Variants in PHKB observed in about 807,000 individuals in gnomAD.
PHKB encodes phosphorylase kinase regulatory subunit beta.
In PHKB, 122 loss-of-function variants were observed where a neutral mutation model predicts 152.1. The observed-to-expected ratio is 0.80, with a 90% CI of 0.69 to 0.93. The LOEUF (loss-of-function observed/expected upper bound fraction) is 0.93, where lower values mean the gene tolerates loss of function less well. PHKB is among the 40% of genes least tolerant of loss of function. The pLI, the probability that PHKB is intolerant of heterozygous loss-of-function variation, is 0.00. For missense variants in PHKB, 1,304 were observed against 1,328.4 expected, an observed-to-expected ratio of 0.98 and a Z score of 0.29; for synonymous variants, 436 against 464.9, an observed-to-expected ratio of 0.94 and a Z score of 0.80.
At chr16:47,658,629 C>T (rs1973381479) in intron 20 of PHKB, among the ~76,000 whole-genome samples, 1 of 152,058 alleles carries the variant, frequency 6.6e-6, no homozygotes. Context: ...TTACAGTTGC[C>T]TACAGTATTC....
At chr16:47,693,264 G>T in intron 27 of PHKB, 114 bp from the exon 28 acceptor site, 3 of 1,006,618 alleles carry the variant, frequency 3.0e-6, no homozygotes, top group Non-Finnish European at 4.7e-6. Context: ...CATCATTGAT[G>T]GGCTTTGGCT....
At chr16:47,580,439 T>A in intron 8 of PHKB, 81 bp downstream of exon 8, 1 of 1,029,646 alleles carries the variant, frequency 9.7e-7, no homozygotes. Context: ...CAAAGTCATT[T>A]CCTTATAATC....
intron 7 of PHKB, among the ~76,000 whole-genome samples, chr16:47,563,994 C>CTTTTTT (rs899061752): frequency 9.8e-5 from 8 of 82,032 alleles, no homozygotes; most frequent in African/African-American, 1.4e-4. Flanking sequence ...TTATTTCATT[C>CTTTTTT]TTTTTTTTTT....
At chr16:47,558,288 C>T (rs906946033) in intron 7 of PHKB, among the ~76,000 whole-genome samples, 15 of 151,072 alleles carry the variant, frequency 9.9e-5, no homozygotes, top group Middle Eastern at 3.4e-3. Context: ...TGCTAAATGA[C>T]GAGTTAATGG....
At chr16:47,518,312 G>A (rs191375555) in intron 6 of PHKB, among the ~76,000 whole-genome samples, 2 of 152,230 alleles carry the variant, frequency 1.3e-5, no homozygotes, top group African/African-American at 2.4e-5. Context: ...TGAAATATAG[G>A]TACTGCATTG....
In PHKB at chr16:47,669,380, C is replaced by T. The variant is rs142281844; in HGVS notation, c.2593C>T (p.Pro865Ser). ...IHIGWIISNNPELFSGMLKIR... is the reference protein window; with the variant it reads ...IHIGWIISNNSELFSGMLKIR... ...TATTGGCTGGATCATCTCCAATAAC[C>T]CTGAGTTATTCAGTGGCATGCTGAA... The change falls in exon 26 of 31, where the codon CCT becomes TCT. Residue 865 changes from proline (P) to serine (S), a missense_variant. Physicochemically the swap from Pro to Ser is moderately conservative, Grantham distance 74. Transcript: ENST00000323584. The T allele has an allele frequency of 6.2e-7, 1 of 1,614,028 alleles. No individual in the cohort carries two copies. The highest frequency in any genetic ancestry group is 8.5e-7 in the Non-Finnish European group (1 of 1,179,912).
At chr16:47,551,895 T>C (rs1223384377) in intron 7 of PHKB, among the ~76,000 whole-genome samples, 1 of 152,226 alleles carries the variant, frequency 6.6e-6, no homozygotes, top group Non-Finnish European at 1.5e-5. Context: ...ATCTGGGTGC[T>C]CCTGTATTGG....
At chr16:47,605,769 G>A (rs896654585) in intron 13 of PHKB, among the ~76,000 whole-genome samples, 1 of 150,656 alleles carries the variant, frequency 6.6e-6, no homozygotes, top group Non-Finnish European at 1.5e-5. Flanking sequence ...ACCTGATTTC[G>A]ATAGGAAAAA....
At chr16:47,526,447 A>T (rs1252618839) in intron 6 of PHKB, among the ~76,000 whole-genome samples, 1 of 152,000 alleles carries the variant, frequency 6.6e-6, no homozygotes, top group African/African-American at 2.4e-5. Context: ...TGATAAGCTC[A>T]ACCTTCAGTT....
intron 8 of PHKB, among the ~76,000 whole-genome samples, chr16:47,585,772 G>A (rs1027348066): frequency 1.3e-5 from 2 of 152,148 alleles, no homozygotes; most frequent in East Asian, 1.9e-4. Context: ...AGACAAATAA[G>A]CCATTTATTT....
chr16:47,664,048 A>C (rs1272085857), intron 24 of PHKB: 1 of 349,778 alleles, frequency 2.9e-6, no homozygotes, highest in Non-Finnish European at 5.3e-6. Flanking sequence ...TTTTTAATTT[A>C]GGAAACCTGT....
chr16:47,540,290 TGCTCTCGA>T (rs1200215234), intron 6 of PHKB, among the ~76,000 whole-genome samples: 1 of 141,928 alleles, frequency 7.0e-6, no homozygotes, highest in Non-Finnish European at 1.5e-5. Context: ...ACCAGTTCTC[TGCTCTCGA>T]ACTCTGTTTT....
rs200832185 is a variant in PHKB, at chr16:47,594,223, G to T, written c.1204+9G>T. The T allele has an allele frequency of 2.0e-4, 280 of 1,415,332 alleles. 3 individuals carry two copies. The highest frequency in any genetic ancestry group is 7.0e-4 in the Middle Eastern group (4 of 5,674). The allele number at this position is 1,415,332 out of a possible 1,614,324, so 87.7% of individuals were successfully genotyped here. On this transcript the variant is annotated intron_variant, in intron 12 of 30. Coordinates refer to ENST00000323584, the MANE Select transcript of PHKB (RefSeq NM_000293.3). Reference sequence around the variant, plus strand: ...TCATCATACCACAGAAGGTATAGTTGTTTTTTTAAGAAATTCTTCCTACCA... The same window carrying T: ...TCATCATACCACAGAAGGTATAGTTTTTTTTTTAAGAAATTCTTCCTACCA...
At chr16:47,682,838 T>C (rs1973888027) in intron 26 of PHKB, among the ~76,000 whole-genome samples, 2 of 152,248 alleles carry the variant, frequency 1.3e-5, no homozygotes, top group South Asian at 4.1e-4. Context: ...GGAGAGGTGC[T>C]CTGCTTTTTA....
intron 26 of PHKB, among the ~76,000 whole-genome samples, chr16:47,685,886 C>T (rs948415505): frequency 3.3e-5 from 5 of 151,790 alleles, no homozygotes; most frequent in African/African-American, 4.8e-5. Context: ...GGACTACAGG[C>T]GCCTGCCACC....
chr16:47,666,174 A>C (rs1973535793), intron 25 of PHKB: 1 of 713,274 alleles, frequency 1.4e-6, no homozygotes, highest in Admixed American at 2.1e-5. Flanking sequence ...TTTCTATCAA[A>C]GTCTCCTTCC....
At chr16:47,568,788 ATTCAGG>A (rs1971610145) in intron 7 of PHKB, among the ~76,000 whole-genome samples, 1 of 152,212 alleles carries the variant, frequency 6.6e-6, no homozygotes, top group Admixed American at 6.5e-5. Context: ...CTCAAAAATC[ATTCAGG>A]AGCATATGGT....
In PHKB at chr16:47,499,871, C is replaced by T. The variant is rs372209609; in HGVS notation, c.282C>T (p.Ala94=). 6.5e-5 allele frequency: 105 copies of T among 1,613,996 alleles called. No homozygotes were observed. The highest frequency in any genetic ancestry group is 8.3e-5 in the Non-Finnish European group (98 of 1,180,014). Residue 94 remains alanine (A), a synonymous_variant, in exon 3 of 31, where the codon GCC becomes GCT. Coordinates refer to ENST00000323584, the MANE Select transcript of PHKB (RefSeq NM_000293.3). ...ACAGCCTATACTGCGCTGCTGGGGCCTGGGCTTTGGCTCTTGCATACAGGT... is the reference window on the plus strand; with the variant it reads ...ACAGCCTATACTGCGCTGCTGGGGCTTGGGCTTTGGCTCTTGCATACAGGT... The part of the protein sequence containing the change: ...IQDSLYCAAG[A]WALALAYRRI...
At chr16:47,542,071 C>A (rs761107564) in intron 6 of PHKB, among the ~76,000 whole-genome samples, 8 of 152,156 alleles carry the variant, frequency 5.3e-5, no homozygotes, top group Non-Finnish European at 1.2e-4. Flanking sequence ...AGTCCTTGCC[C>A]ATGCCTATGT....
Sources: gnomAD v4.1 joint callset for allele counts (sites outside exome capture counted in the v4.1 genomes callset) on GRCh38, gnomAD v4.1.1 for gene constraint, MANE v1.5 for transcripts, NCBI Gene and HGNC (gene_info 2026-07-23, HGNC 2026-07-21) for gene names.